The following COL9A1 variants were observed in gnomAD, a reference collection of about 807,000 sequenced individuals.
The protein encoded by COL9A1 is collagen type IX alpha 1 chain, also known as collagen alpha-1(IX) chain.
In COL9A1, 104 loss-of-function variants were observed where a neutral mutation model predicts 142.6. That is an observed-to-expected ratio of 0.73 (90% CI 0.62 to 0.86). COL9A1 has a LOEUF of 0.86. Among genes scored for constraint, COL9A1 ranks in the 40% least tolerant of loss-of-function variants. COL9A1 has a pLI of 0.00. For synonymous variants in COL9A1, 466 were observed against 396.0 expected (o/e 1.18, Z -2.10); for missense variants, 1,210 against 1,176.6 (o/e 1.03, Z -0.42).
chr6:70,250,231 A>C (rs1770859272), intron 28 of COL9A1, among the ~76,000 whole-genome samples: 1 of 152,184 alleles, frequency 6.6e-6, no homozygotes. Flanking sequence ...ACTGCACTCC[A>C]GCCTGGGCAA....
chr6:70,274,813 C>T, intron 10 of COL9A1, 41 bp from the exon 11 acceptor site: 1 of 1,531,994 alleles, frequency 6.5e-7, no homozygotes, highest in Non-Finnish European at 9.0e-7. Context: ...ATCATAACAT[C>T]CTTAGGCAAA....
chr6:70,240,055 C>T (rs1770146559), intron 32 of COL9A1, among the ~76,000 whole-genome samples: 1 of 152,162 alleles, frequency 6.6e-6, no homozygotes. Context: ...TACCCTACCC[C>T]AAAGGACCAA....
At chr6:70,280,227 GA>G in intron 10 of COL9A1, 1 of 1,107,982 alleles carries the variant, frequency 9.0e-7, no homozygotes, top group Non-Finnish European at 1.2e-6. Context: ...ATGCCAGCCA[GA>G]AAAACTCCAT....
intron 17 of COL9A1, among the ~76,000 whole-genome samples, chr6:70,268,040 G>T (rs1772144091): frequency 6.6e-6 from 1 of 152,128 alleles, no homozygotes; most frequent in South Asian, 2.1e-4. Context: ...TTTTTTGTTT[G>T]TATGGAAAAC....
At chr6:70,241,859 A>G in intron 30 of COL9A1, 105 bp downstream of exon 30, 1 of 990,180 alleles carries the variant, frequency 1.0e-6, no homozygotes, top group South Asian at 1.4e-5. Flanking sequence ...TGTTTATGAT[A>G]AATTCTAGAA....
chr6:70,220,405 TGTG>T (rs1768807914), intron 37 of COL9A1, among the ~76,000 whole-genome samples: 2 of 151,574 alleles, frequency 1.3e-5, no homozygotes, highest in African/African-American at 2.4e-5. Flanking sequence ...TGTGTGTGTG[TGTG>T]TGTGTGTGTG....
intron 32 of COL9A1, 55 bp from the exon 33 acceptor site, chr6:70,239,341 C>T (rs1770105131): frequency 1.7e-6 from 2 of 1,182,510 alleles, no homozygotes; most frequent in Non-Finnish European, 2.5e-6. Context: ...TTGATAATTT[C>T]CTGAAAACAC....
chr6:70,280,288 A>G (rs1773062232), intron 10 of COL9A1: 10 of 1,235,732 alleles, frequency 8.1e-6, no homozygotes, highest in Middle Eastern at 3.1e-4. Context: ...GCACATCCCC[A>G]CTCACTTCAA....
intron 25 of COL9A1, among the ~76,000 whole-genome samples, chr6:70,254,022 G>A (rs915635967): frequency 1.4e-4 from 22 of 152,250 alleles, no homozygotes; most frequent in East Asian, 9.6e-4. Flanking sequence ...CAATCCACAC[G>A]AACTTCCAGA....
At chr6:70,263,537 A>G (rs1771826498) in intron 18 of COL9A1, among the ~76,000 whole-genome samples, 2 of 152,034 alleles carry the variant, frequency 1.3e-5, no homozygotes, top group Admixed American at 1.3e-4. Flanking sequence ...AATACCAGTA[A>G]CATTTAGATG....
rs1485250196 is a variant in COL9A1, at chr6:70,253,543, TTAATG to T, written c.1720-119_1720-115del. Reference sequence around the variant, plus strand: ...AGGGAATCATGATAACCTCAAAGCTTTAATGTAAGGAAGATGCTTCCTAGTTCCCA... The same window carrying T: ...AGGGAATCATGATAACCTCAAAGCTTTAAGGAAGATGCTTCCTAGTTCCCA... On this transcript the variant is annotated intron_variant, in intron 25 of 37. Transcript: ENST00000357250. The T allele has an allele frequency of 6.5e-6, 5 of 764,836 alleles. No homozygotes were observed. The African/African-American group carries it at 8.7e-5, about 13-fold the overall frequency. 47.4% of individuals were successfully genotyped at this position (764,836 alleles called of 1,614,324 possible).
chr6:70,221,724 G>A (rs1475283792), intron 37 of COL9A1, among the ~76,000 whole-genome samples: 2 of 152,148 alleles, frequency 1.3e-5, no homozygotes, highest in East Asian at 1.9e-4. Context: ...TTGCCCTAGT[G>A]AGTGCACAAA....
intron 5 of COL9A1, among the ~76,000 whole-genome samples, chr6:70,286,017 T>C (rs1215285759): frequency 6.6e-6 from 1 of 152,090 alleles, no homozygotes; most frequent in Non-Finnish European, 1.5e-5. Context: ...GCCTCCCGAG[T>C]AGCTGGGACA....
At chr6:70,229,443 G>A (rs1769414193) in intron 36 of COL9A1, among the ~76,000 whole-genome samples, 1 of 152,000 alleles carries the variant, frequency 6.6e-6, no homozygotes, top group African/African-American at 2.4e-5. Flanking sequence ...ATGAACGAGT[G>A]GAAATTCTCA....
chr6:70,282,808 G>T, intron 7 of COL9A1, 90 bp downstream of exon 7: 1 of 1,592,274 alleles, frequency 6.3e-7, no homozygotes, highest in Non-Finnish European at 8.6e-7. Flanking sequence ...GGGATGCTCC[G>T]CGCCTTTCTC....
chr6:70,240,664 AT>A (rs751922290), intron 32 of COL9A1, 24 bp downstream of exon 32: 4 of 1,596,660 alleles, frequency 2.5e-6, no homozygotes, highest in Non-Finnish European at 3.4e-6. Context: ...AAGCTTCATC[AT>A]TAACCAGAAA....
At chr6:70,229,978 G>T (rs1288783321) in intron 36 of COL9A1, among the ~76,000 whole-genome samples, 2 of 152,124 alleles carry the variant, frequency 1.3e-5, no homozygotes, top group Non-Finnish European at 2.9e-5. Flanking sequence ...AATAAAACTT[G>T]TTTGTTATTT....
intron 37 of COL9A1, among the ~76,000 whole-genome samples, chr6:70,220,567 A>G (rs190019541): frequency 1.4e-4 from 20 of 145,396 alleles, no homozygotes; most frequent in African/African-American, 2.3e-4. Flanking sequence ...AATACCAGAG[A>G]AAAAAAAACA....
chr6:70,274,078 T>G lies in COL9A1; in HGVS notation c.1034A>C (p.Glu345Ala). ...GSIGSKGQKG[E>A]PGVPGSRGFP... ...TCCACGCGATCCAGGCACACCAGGT[T>G]CTCCCTAAAAATAAAAATAGTTTCA... is the stretch of plus-strand genomic sequence containing the variant. The change falls in exon 12 of 38, where the codon GAA (glutamate) becomes GCA (alanine). Residue 345 changes from glutamate (E) to alanine (A), a missense_variant. Glu to Ala is a moderately radical substitution (Grantham distance 107, BLOSUM62 -1). Coordinates refer to ENST00000357250, the MANE Select transcript of COL9A1 (RefSeq NM_001851.6). 1 of 1,589,270 alleles carries G rather than the reference T, an allele frequency of 6.3e-7. No individual in the cohort carries two copies. Among genetic ancestry groups the G allele is most frequent in the Non-Finnish European group, 8.6e-7 (1 of 1,165,972 alleles).
Sources: gnomAD v4.1 joint callset for allele counts (sites outside exome capture counted in the v4.1 genomes callset) on GRCh38, gnomAD v4.1.1 for gene constraint, MANE v1.5 for transcripts, NCBI Gene and HGNC (gene_info 2026-07-23, HGNC 2026-07-21) for gene names.